The following PCDHGA9 variants were observed in gnomAD, a reference collection of about 807,000 sequenced individuals.
PCDHGA9 encodes protocadherin gamma subfamily A, 9, also known as protocadherin gamma-A9.
A neutral mutation model predicts 62.5 loss-of-function variants in PCDHGA9; 37 were observed. The ratio of observed to expected loss-of-function variants is 0.59; its 90% CI spans 0.46 to 0.78. The LOEUF is 0.78. Ranked by LOEUF, PCDHGA9 falls within the 30% of genes least tolerant of loss-of-function variation. The pLI is 0.00. For missense variants in PCDHGA9, 1,138 were observed against 1,166.2 expected (o/e 0.98, Z 0.35); for synonymous variants, 459 against 484.6 (o/e 0.95, Z 0.69).
At position 141,485,614 on chromosome 5, in the gene PCDHGA9, T is replaced by G; in HGVS notation, c.2425-9193T>G. 1 of 1,612,236 alleles carries G rather than the reference T, an allele frequency of 6.2e-7. No individual in the cohort carries two copies. Among genetic ancestry groups the G allele is most frequent in the Non-Finnish European group, 8.5e-7 (1 of 1,178,686 alleles). On this transcript the variant is annotated intron_variant, in intron 1 of 3. Transcript: ENST00000573521. The surrounding 1 kb of genome is among the most constrained non-coding windows in gnomAD (Gnocchi z 5.7). ...ACTTGGAAATTGGGGAGGCAGCTCC[T>G]CCAGGACAGCGTTTCCCGTTGGAAA...
chr5:141,421,970 A>C, intron 1 of PCDHGA9: 1 of 1,610,928 alleles, frequency 6.2e-7, no homozygotes, highest in Middle Eastern at 1.7e-4. Flanking sequence ...CAGTCCGTAT[A>C]TCGCGTGAGT....
At chr5:141,426,407 C>T (rs974898367) in intron 1 of PCDHGA9, 5 of 257,632 alleles carry the variant, frequency 1.9e-5, no homozygotes, top group African/African-American at 6.6e-5. Context: ...CCAGAAGAAA[C>T]GGTCCAGGGC....
chr5:141,460,582 G>A (rs1246329967), intron 1 of PCDHGA9, among the ~76,000 whole-genome samples: 2 of 152,022 alleles, frequency 1.3e-5, no homozygotes, highest in South Asian at 4.1e-4. Context: ...GTAGGTGTGG[G>A]TTTTTTCTGG....
At position 141,491,305 on chromosome 5, in the gene PCDHGA9, G is replaced by T. The variant is rs1461861151; in HGVS notation, c.2425-3502G>T. 6.2e-7 allele frequency: 1 copy of T among 1,614,176 alleles called. No homozygotes were observed. Among genetic ancestry groups the T allele is most frequent in the African/African-American group, 1.3e-5 (1 of 75,048 alleles). ...CCTCATACACCCTCCTGAGCGTTCA[G>T]ACCTTACCCTTTACCTCATTGTGGC... On this transcript the variant is annotated intron_variant, in intron 1 of 3. Coordinates refer to ENST00000573521, the MANE Select transcript of PCDHGA9 (RefSeq NM_018921.3). This position sits in a 1 kb window ranked among gnomAD's most constrained non-coding sequence, Gnocchi z 6.9.
Position 141,404,534 on chromosome 5 carries a change from T to A in PCDHGA9, c.1582T>A (p.Leu528Met). The change falls in exon 1 of 4, where the codon TTG (leucine) becomes ATG (methionine). Residue 528 changes from leucine (L) to methionine (M), a missense_variant. Transcript: ENST00000573521. ...CTTTGACTATGAGCAGTTTAGAGATTTGCAAATGCAGGTGACGGCAAGTGA... is the reference window on the plus strand; with the variant it reads ...CTTTGACTATGAGCAGTTTAGAGATATGCAAATGCAGGTGACGGCAAGTGA... ...CSFDYEQFRD[L>M]QMQVTASDSG... 1 of 1,613,954 alleles carries A rather than the reference T, an allele frequency of 6.2e-7. No individual in the cohort carries two copies. The highest frequency in any genetic ancestry group is 8.5e-7 in the Non-Finnish European group (1 of 1,179,840).
intron 1 of PCDHGA9, among the ~76,000 whole-genome samples, chr5:141,446,802 G>T (rs2098516342): frequency 6.6e-6 from 1 of 152,130 alleles, no homozygotes; most frequent in South Asian, 2.1e-4. Flanking sequence ...CTTCCATTGT[G>T]ATCATCTAGT....
Position 141,431,724 on chromosome 5 carries a change from T to C in PCDHGA9, c.2424+26348T>C, listed in dbSNP as rs758754345. The C allele has an allele frequency of 6.2e-7, 1 of 1,614,036 alleles. No individual in the cohort carries two copies. Among genetic ancestry groups the C allele is most frequent in the Non-Finnish European group, 8.5e-7 (1 of 1,180,036 alleles). On this transcript the variant is annotated intron_variant, in intron 1 of 3. Coordinates refer to ENST00000573521, the MANE Select transcript of PCDHGA9 (RefSeq NM_018921.3). This position sits in a 1 kb window ranked among gnomAD's most constrained non-coding sequence, Gnocchi z 4.8. The stretch of plus-strand genomic sequence containing the variant: ...TTCTACCAGATGGAAGTGCAAGCAA[T>C]GGATAATGCAGGATATTCTGCGCGA...
intron 1 of PCDHGA9, chr5:141,408,411 C>T (rs2095101928): frequency 1.2e-6 from 2 of 1,614,034 alleles, no homozygotes; most frequent in African/African-American, 1.3e-5. Context: ...CGAGTGAGCG[C>T]GGAGAAGCTG....
intron 1 of PCDHGA9, among the ~76,000 whole-genome samples, chr5:141,472,508 C>T (rs140607073): frequency 0.01 from 1,548 of 151,922 alleles, 35 homozygotes; most frequent in African/African-American, 0.035. Flanking sequence ...CCACTGCACT[C>T]CAGCCTGGGT....
rs1224943883 is a variant in PCDHGA9 at position 141,493,516 on chromosome 5, G to A, written c.2425-1291G>A. Among the ~76,000 whole-genome samples, 1 of 152,122 alleles carries A rather than the reference G, an allele frequency of 6.6e-6. No individual in the cohort carries two copies. The highest frequency in any genetic ancestry group is 1.5e-5 in the Non-Finnish European group (1 of 68,036). On this transcript the variant is annotated intron_variant, in intron 1 of 3. Coordinates refer to ENST00000573521, the MANE Select transcript of PCDHGA9 (RefSeq NM_018921.3). The surrounding 1 kb of genome is among the most constrained non-coding windows in gnomAD (Gnocchi z 4.3). ...GGCTCCTCATTTCTGAGCAGTCCCC[G>A]CAGCGCAAACTTGGCCAGTTATCCT...
chr5:141,402,840 T>C lies in PCDHGA9; in HGVS notation c.-113T>C. 7.2e-7 allele frequency: 1 copy of C among 1,388,218 alleles called. No individual in the cohort carries two copies. The highest frequency in any genetic ancestry group is 9.5e-7 in the Non-Finnish European group (1 of 1,057,706). The allele number at this position is 1,388,218 out of a possible 1,614,324, so 86.0% of individuals were successfully genotyped here. A position where few individuals can be genotyped will look rare whatever the true frequency, so the allele number is the denominator to read the frequency against. ...ACCTGCTCCCAGGCTGCAGCAAAAC[T>C]CAGCCTCTTTCTTCTAAGGAAAAGA... On this transcript the variant is annotated 5_prime_UTR_variant, in exon 1 of 4. Transcript: ENST00000573521.
rs759444247 is a variant in PCDHGA9 at position 141,404,757 on chromosome 5, C to T, written c.1805C>T (p.Ala602Val). 5 of 1,613,918 alleles carry T rather than the reference C, an allele frequency of 3.1e-6. No individual in the cohort carries two copies. Among genetic ancestry groups the T allele is most frequent in the Non-Finnish European group, 4.2e-6 (5 of 1,180,020 alleles). The change falls in exon 1 of 4, where the codon GCT becomes GTT. Residue 602 changes from alanine to valine, a missense_variant. Ala to Val is a moderately conservative substitution (Grantham distance 64, BLOSUM62 0). Transcript: ENST00000573521. Reference sequence around the variant, plus strand: ...GTGGACAGAGACTCAGGCCAGAATGCTTGGCTCTCCTACCGCCTATTCAAG... The same window carrying T: ...GTGGACAGAGACTCAGGCCAGAATGTTTGGCTCTCCTACCGCCTATTCAAG... ...VAVDRDSGQN[A>V]WLSYRLFKAS...
intron 1 of PCDHGA9, chr5:141,408,082 G>C (rs890768118): frequency 2.1e-6 from 3 of 1,417,248 alleles, no homozygotes; most frequent in Non-Finnish European, 1.9e-6. Flanking sequence ...TCCCAGCACA[G>C]CGGATTGCCA....
intron 1 of PCDHGA9, chr5:141,415,379 G>T: frequency 3.7e-6 from 6 of 1,614,250 alleles, no homozygotes; most frequent in Non-Finnish European, 3.4e-6. Flanking sequence ...TCAGGAGGCG[G>T]CTTGACAGGT....
In PCDHGA9 at chr5:141,413,305, G is replaced by A. The variant is rs780711139; in HGVS notation, c.2424+7929G>A. 1.5e-5 allele frequency: 25 copies of A among 1,613,870 alleles called. No individual in the cohort carries two copies. The South Asian group carries it at 2.0e-4, about 13-fold the overall frequency. ...CTCCTACTCAATTCCTGAGGAATTA[G>A]AGAAAGGCTCTTTCGTGGGCAACAT... is the stretch of plus-strand genomic sequence containing the variant. On this transcript the variant is annotated intron_variant, in intron 1 of 3. Transcript: ENST00000573521.
chr5:141,436,813 G>A (rs537103294), intron 1 of PCDHGA9, among the ~76,000 whole-genome samples: 91 of 152,320 alleles, frequency 6.0e-4, no homozygotes, highest in Non-Finnish European at 1.1e-3. Flanking sequence ...TGTGACAGCT[G>A]GTTTAAAAAT....
At position 141,511,146 on chromosome 5, in the gene PCDHGA9, G is replaced by T; in HGVS notation, c.2772G>T (p.Lys924Asn). 1 of 1,614,208 alleles carries T rather than the reference G, an allele frequency of 6.2e-7. No individual in the cohort carries two copies. Among genetic ancestry groups the T allele is most frequent in the Non-Finnish European group, 8.5e-7 (1 of 1,180,018 alleles). The change falls in exon 4 of 4, where the codon AAG becomes AAT. Residue 924 changes from lysine to asparagine, a missense_variant. Lys to Asn is a moderately conservative substitution (Grantham distance 94). Coordinates refer to ENST00000573521, the MANE Select transcript of PCDHGA9 (RefSeq NM_018921.3). Reference protein sequence around the residue: ...KAPAGGNGNKKKSGKKEKK With the variant: ...KAPAGGNGNKNKSGKKEKK The stretch of plus-strand genomic sequence containing the variant: ...CAGCAGGTGGCAATGGCAACAAGAA[G>T]AAGTCGGGCAAGAAGGAGAAGAAGT...
In PCDHGA9 at chr5:141,431,584, G is replaced by C. The variant is rs201462681; in HGVS notation, c.2424+26208G>C. 5.0e-6 allele frequency: 8 copies of C among 1,614,192 alleles called. No individual in the cohort carries two copies. The Admixed American group carries it at 1.3e-4, about 27-fold the overall frequency. ...CCGACCCTGACGAAGGAGTCAATGC[G>C]GAAGTGAGGTATTCCTTCCGGTATG... On this transcript the variant is annotated intron_variant, in intron 1 of 3. Transcript: ENST00000573521. This position sits in a 1 kb window ranked among gnomAD's most constrained non-coding sequence, Gnocchi z 4.8.
rs968433488 is a variant in PCDHGA9 at position 141,404,516 on chromosome 5, T to G, written c.1564T>G (p.Tyr522Asp). 1 of 1,613,754 alleles carries G rather than the reference T, an allele frequency of 6.2e-7. No individual in the cohort carries two copies. The highest frequency in any genetic ancestry group is 1.3e-5 in the African/African-American group (1 of 75,050). The stretch of plus-strand genomic sequence containing the variant: ...GCTGTATGCTCTGTGCTCCTTTGAC[T>G]ATGAGCAGTTTAGAGATTTGCAAAT... Reference protein sequence around the residue: ...GVLYALCSFDYEQFRDLQMQV... With the variant: ...GVLYALCSFDDEQFRDLQMQV... Residue 522 changes from tyrosine (Y) to aspartate (D), a missense_variant, in exon 1 of 4, where the codon TAT becomes GAT. Physicochemically the swap from Tyr to Asp is radical, Grantham distance 160 (BLOSUM62 -3). Transcript: ENST00000573521.
Sources: gnomAD v4.1 joint callset for allele counts (sites outside exome capture counted in the v4.1 genomes callset) on GRCh38, gnomAD v4.1.1 for gene constraint, Gnocchi (gnomAD v3.1) non-coding constraint, MANE v1.5 for transcripts, NCBI Gene and HGNC (gene_info 2026-07-23, HGNC 2026-07-21) for gene names.